Variants in MTRF1L observed in about 807,000 individuals in gnomAD.
MTRF1L encodes the protein mitochondrial translation release factor 1 like, also known as peptide chain release factor 1-like, mitochondrial.
A neutral mutation model predicts 40.0 loss-of-function variants in MTRF1L; 29 were observed. The ratio of observed to expected loss-of-function variants is 0.73; its 90% CI spans 0.54 to 0.99. MTRF1L has a LOEUF of 0.99. MTRF1L is among the 50% of genes least tolerant of loss of function. MTRF1L has a pLI of 0.00. For synonymous variants in MTRF1L, 150 were observed against 175.8 expected, an observed-to-expected ratio of 0.85 and a Z score of 1.16; for missense variants, 412 against 464.5, an observed-to-expected ratio of 0.89 and a Z score of 1.04.
At chr6:152,996,019 T>A (rs1485134056) in intron 2 of MTRF1L, among the ~76,000 whole-genome samples, 11 of 152,200 alleles carry the variant, frequency 7.2e-5, no homozygotes. Context: ...TTAGGTCAAT[T>A]AATAAGAAAA....
intron 2 of MTRF1L, among the ~76,000 whole-genome samples, chr6:152,996,699 A>G (rs1778726971): frequency 6.6e-6 from 1 of 152,124 alleles, no homozygotes; most frequent in Non-Finnish European, 1.5e-5. Context: ...ATTTCATATA[A>G]TTATTCTTCA....
At chr6:152,991,106 A>C (rs996223500) in intron 6 of MTRF1L, 79 bp downstream of exon 6, 4 of 996,098 alleles carry the variant, frequency 4.0e-6, no homozygotes, top group South Asian at 3.6e-5. Context: ...AATATATAAA[A>C]ACCAAGTTAT....
chr6:152,995,819 G>C (rs1490765349), intron 2 of MTRF1L, among the ~76,000 whole-genome samples: 1 of 152,102 alleles, frequency 6.6e-6, no homozygotes, highest in Non-Finnish European at 1.5e-5. Flanking sequence ...GAGATTATCT[G>C]GTCCAATTCT....
intron 2 of MTRF1L, among the ~76,000 whole-genome samples, chr6:152,998,006 A>C (rs1014216169): frequency 6.6e-6 from 1 of 152,060 alleles, no homozygotes; most frequent in Non-Finnish European, 1.5e-5. Context: ...TTTGCTTACC[A>C]AAGTGTCTTG....
chr6:152,990,854 TACAGGAAGAAAAAA>T (rs1297576277), intron 6 of MTRF1L, among the ~76,000 whole-genome samples: 6 of 152,074 alleles, frequency 3.9e-5, no homozygotes, highest in African/African-American at 9.6e-5. Flanking sequence ...AAAAATTAAA[TACAGGAAGAAAAAA>T]ACAGGAAGAA....
chr6:152,993,121 A>G, intron 4 of MTRF1L, 147 bp from the exon 5 acceptor site: 1 of 642,132 alleles, frequency 1.6e-6, no homozygotes, highest in Non-Finnish European at 2.7e-6. Flanking sequence ...CTAGAAGGAT[A>G]CCATTTTAAA....
intron 1 of MTRF1L, among the ~76,000 whole-genome samples, chr6:152,999,763 G>A (rs1371718598): frequency 1.3e-5 from 2 of 152,150 alleles, no homozygotes; most frequent in Non-Finnish European, 2.9e-5. Context: ...CCATGATTGG[G>A]AGGCCTCCCC....
Position 152,990,031 on chromosome 6 carries a change from T to C in MTRF1L, c.1007A>G (p.Asp336Gly). Residue 336 changes from aspartate (D) to glycine (G), a missense_variant, in exon 7 of 7, where the codon GAT (aspartate) becomes GGT (glycine). Transcript: ENST00000367233. ...ATGCAGCGTCTTGTTTATTCTGTGA[T>C]CTGTGACCCGGTTCTGTGGAAAATT... ...TYNFPQNRVT[D>G]HRINKTLHDL... The C allele has an allele frequency of 6.2e-7, 1 of 1,613,942 alleles. No homozygotes were observed. The highest frequency in any genetic ancestry group is 8.5e-7 in the Non-Finnish European group (1 of 1,179,936).
Position 152,991,300 on chromosome 6 carries a change from T to G in MTRF1L, c.827A>C (p.Gln276Pro), listed in dbSNP as rs2129097217. 6.3e-7 allele frequency: 1 copy of G among 1,598,080 alleles called. No homozygotes were observed. Among genetic ancestry groups the G allele is most frequent in the Admixed American group, 1.8e-5 (1 of 57,006 alleles). ...TTTATTTTTCAGCTGAGATCTCTCT[T>G]GTTGACATTCAGAAACAACACCTGA... ...LPTGVVSECQ[Q>P]ERSQLKNKEL... The change falls in exon 6 of 7, where the codon CAA becomes CCA. Residue 276 changes from glutamine (Q) to proline (P), a missense_variant. By Grantham distance (76) the Gln-to-Pro change is moderately conservative. Coordinates refer to ENST00000367233, the MANE Select transcript of MTRF1L (RefSeq NM_019041.7).
Position 153,002,529 on chromosome 6 carries a change from A to T in MTRF1L, c.157T>A (p.Ser53Thr). ...LRTFLERQAGSEAHLKVRRPE... is the reference protein window; with the variant it reads ...LRTFLERQAGTEAHLKVRRPE... ...CTCCTGACCTTCAAATGGGCTTCAG[A>T]CCCCGCCTGGCGCTCGAGGAAGGTC... Residue 53 changes from serine to threonine, a missense_variant, in exon 1 of 7, where the codon TCT becomes ACT. Coordinates refer to ENST00000367233, the MANE Select transcript of MTRF1L (RefSeq NM_019041.7). The T allele has an allele frequency of 6.2e-7, 1 of 1,608,002 alleles. No individual in the cohort carries two copies. Among genetic ancestry groups the T allele is most frequent in the Non-Finnish European group, 8.5e-7 (1 of 1,178,056 alleles).
Position 152,988,519 on chromosome 6 carries a change from T to TA in MTRF1L, c.*1375_*1376insT, listed in dbSNP as rs1778403454. The TA allele has an allele frequency of 1.8e-5, 1 of 56,106 alleles. No homozygotes were observed. The highest frequency in any genetic ancestry group is 3.2e-4 in the East Asian group (1 of 3,100). 3.5% of individuals were successfully genotyped at this position (56,106 alleles called of 1,614,324 possible). A position where few individuals can be genotyped will look rare whatever the true frequency, so the allele number is the denominator to read the frequency against. On this transcript the variant is annotated 3_prime_UTR_variant, in exon 7 of 7. Coordinates refer to ENST00000367233, the MANE Select transcript of MTRF1L (RefSeq NM_019041.7). ...GTGCCTAGCTACTGGGTCATACTTT[T>TA]TTTTTTTTTTTTTTTGAGATTTAAC...
chr6:152,994,482 G>A (rs3799135), intron 4 of MTRF1L, 31 bp downstream of exon 4: 313,105 of 1,575,494 alleles, frequency 0.2, 32,633 homozygotes, highest in Admixed American at 0.35. Context: ...TGCTAGGCCC[G>A]GGATTCCAAG....
intron 5 of MTRF1L, among the ~76,000 whole-genome samples, chr6:152,992,567 AT>A (rs1335067839): frequency 1.3e-5 from 2 of 152,084 alleles, no homozygotes; most frequent in East Asian, 3.9e-4. Flanking sequence ...CATTGTGAGA[AT>A]TTTCTTTTTA....
At chr6:152,996,861 T>C (rs369353342) in intron 2 of MTRF1L, among the ~76,000 whole-genome samples, 3 of 152,344 alleles carry the variant, frequency 2.0e-5, no homozygotes, top group African/African-American at 7.2e-5. Flanking sequence ...GCTCACAGTC[T>C]ACTATCACTC....
chr6:152,991,386 A>G, intron 5 of MTRF1L, 65 bp from the exon 6 acceptor site: 4 of 1,451,864 alleles, frequency 2.8e-6, no homozygotes, highest in Admixed American at 2.6e-5. Flanking sequence ...TTATCAAGGA[A>G]TACTTTTCCT....
chr6:152,998,780 T>C, intron 1 of MTRF1L, 151 bp from the exon 2 acceptor site: 1 of 412,426 alleles, frequency 2.4e-6, no homozygotes, highest in Non-Finnish European at 4.3e-6. Flanking sequence ...AATAAATGCC[T>C]TTCAATAAAT....
At position 152,999,762 on chromosome 6, in the gene MTRF1L, G is replaced by T. The variant is rs561755948; in HGVS notation, c.260-1133C>A. ...TGCCTTTTGCCTTCCACCATGATTG[G>T]GAGGCCTCCCCAGCCACGTGGAACT... On this transcript the variant is annotated intron_variant, in intron 1 of 6. Transcript: ENST00000367233. 8.5e-5 allele frequency among the ~76,000 whole-genome samples: 13 copies of T among 152,178 alleles called. No homozygotes were observed. In the East Asian group the frequency reaches 2.1e-3, roughly 25 times the overall value.
chr6:153,002,512 C>G lies in MTRF1L; in HGVS notation c.174G>C (p.Lys58Asn). The G allele has an allele frequency of 6.2e-7, 1 of 1,612,666 alleles. No individual in the cohort carries two copies. ...CCGCCAGCAACTCGGGCCTCCTGAC[C>G]TTCAAATGGGCTTCAGACCCCGCCT... ...ERQAGSEAHL[K>N]VRRPELLAVI... is the part of the protein sequence containing the mutation. The change falls in exon 1 of 7, where the codon AAG becomes AAC. Residue 58 changes from lysine (K) to asparagine (N), a missense_variant. By Grantham distance (94) the Lys-to-Asn change is moderately conservative. Coordinates refer to ENST00000367233, the MANE Select transcript of MTRF1L (RefSeq NM_019041.7).
chr6:152,994,849 C>A, intron 3 of MTRF1L, 173 bp from the exon 4 acceptor site: 1 of 891,212 alleles, frequency 1.1e-6, no homozygotes, highest in Non-Finnish European at 1.7e-6. Flanking sequence ...TTACTGCTTA[C>A]AAGTACTAAA....
Sources: gnomAD v4.1 joint callset for allele counts (sites outside exome capture counted in the v4.1 genomes callset) on GRCh38, gnomAD v4.1.1 for gene constraint, MANE v1.5 for transcripts, NCBI Gene and HGNC (gene_info 2026-07-23, HGNC 2026-07-21) for gene names.